Variants in PPM1L observed in about 807,000 individuals in gnomAD.
PPM1L encodes protein phosphatase 1L.
In PPM1L, 13 loss-of-function variants were observed where a neutral mutation model predicts 31.4. The observed-to-expected ratio is 0.41, with a 90% CI of 0.27 to 0.66. The LOEUF is 0.66. Ranked by LOEUF, PPM1L falls within the 30% of genes least tolerant of loss-of-function variation. The pLI is 0.29. For missense variants in PPM1L, 326 were observed against 453.7 expected (o/e 0.72, Z 2.56); for synonymous variants, 184 against 175.4 (o/e 1.05, Z -0.39).
At chr3:160,840,973 A>G (rs1286649901) in intron 1 of PPM1L, among the ~76,000 whole-genome samples, 3 of 152,206 alleles carry the variant, frequency 2.0e-5, no homozygotes, top group African/African-American at 7.2e-5. Context: ...TTTCACAGAC[A>G]TGTGCAGAAA....
chr3:160,833,131 G>GGT (rs1713571566), intron 1 of PPM1L, among the ~76,000 whole-genome samples: 1 of 152,140 alleles, frequency 6.6e-6, no homozygotes, highest in African/African-American at 2.4e-5. Flanking sequence ...AGTATTCCAT[G>GGT]GTGTGTATGT....
chr3:161,025,772 A>G (rs114043031), intron 2 of PPM1L, among the ~76,000 whole-genome samples: 3,545 of 152,286 alleles, frequency 0.023, 61 homozygotes, highest in Non-Finnish European at 0.038. Flanking sequence ...TTGTTATAGC[A>G]GCACAAATAA....
At chr3:160,929,476 A>G (rs1378015834) in intron 1 of PPM1L, among the ~76,000 whole-genome samples, 1 of 152,172 alleles carries the variant, frequency 6.6e-6, no homozygotes, top group East Asian at 1.9e-4. Context: ...CTGGAAAAGG[A>G]AGGAAAAGAG....
At position 160,993,591 on chromosome 3, in the gene PPM1L, T is replaced by C. The variant is rs567977206; in HGVS notation, c.574+31681T>C. Among the ~76,000 whole-genome samples, 3 of 152,250 alleles carry C rather than the reference T, an allele frequency of 2.0e-5. No homozygotes were observed. In the East Asian group the frequency reaches 5.8e-4, roughly 29 times the overall value. ...TTGCATTGGGTGAATTGGGGAGCTT[T>C]ATAGAACTAGTTCATGGGCCTCAGC... On this transcript the variant is annotated intron_variant, in intron 2 of 3. Coordinates refer to ENST00000498165, the MANE Select transcript of PPM1L (RefSeq NM_139245.4).
At chr3:160,854,514 G>A (rs1410366573) in intron 1 of PPM1L, among the ~76,000 whole-genome samples, 1 of 152,054 alleles carries the variant, frequency 6.6e-6, no homozygotes, top group Admixed American at 6.6e-5. Context: ...TTTTCTCAAT[G>A]TGCAAAAATC....
intron 2 of PPM1L, among the ~76,000 whole-genome samples, chr3:161,060,100 A>G (rs1251227886): frequency 6.6e-6 from 1 of 152,184 alleles, no homozygotes; most frequent in East Asian, 1.9e-4. Context: ...AAATAAATAA[A>G]TAGTCTAAAT....
At chr3:161,044,918 T>TCC (rs1430804105) in intron 2 of PPM1L, among the ~76,000 whole-genome samples, 24 of 152,022 alleles carry the variant, frequency 1.6e-4, no homozygotes, top group African/African-American at 5.6e-4. Context: ...AATAAAGGGA[T>TCC]GGAGGAAGAT....
chr3:160,859,513 A>G (rs1300455034), intron 1 of PPM1L, among the ~76,000 whole-genome samples: 1 of 152,206 alleles, frequency 6.6e-6, no homozygotes, highest in African/African-American at 2.4e-5. Flanking sequence ...GGAGTTGTCA[A>G]GAGTAATTGT....
At chr3:160,784,832 G>A (rs1560106315) in intron 1 of PPM1L, among the ~76,000 whole-genome samples, 22 of 152,264 alleles carry the variant, frequency 1.4e-4, no homozygotes, top group Non-Finnish European at 2.8e-4. Flanking sequence ...ATTTGTCCCA[G>A]ATAAACCTTA....
chr3:160,986,112 C>T (rs533839446), intron 2 of PPM1L, among the ~76,000 whole-genome samples: 1 of 152,282 alleles, frequency 6.6e-6, no homozygotes, highest in South Asian at 2.1e-4. Context: ...TGTCTTCTTT[C>T]ACATCTCAAC....
At chr3:160,949,788 G>A (rs898310938) in intron 1 of PPM1L, among the ~76,000 whole-genome samples, 3 of 152,164 alleles carry the variant, frequency 2.0e-5, no homozygotes, top group African/African-American at 4.8e-5. Context: ...GAGCTGTAAC[G>A]GAGATCTGAA....
intron 1 of PPM1L, among the ~76,000 whole-genome samples, chr3:160,910,192 C>T (rs1475368004): frequency 7.1e-6 from 1 of 140,968 alleles, no homozygotes; most frequent in South Asian, 2.4e-4. Context: ...TCCCCTTCCC[C>T]TTCCCCTTCC....
At chr3:160,935,173 T>C (rs1354946008) in intron 1 of PPM1L, among the ~76,000 whole-genome samples, 3 of 152,134 alleles carry the variant, frequency 2.0e-5, no homozygotes, top group Admixed American at 6.5e-5. Context: ...CCAGAGAGCT[T>C]GTAGAACCAA....
chr3:161,078,095 T>G lies in PPM1L; in HGVS notation c.*8938T>G, dbSNP rs1720166530. ...AGGGTTTTTGTTTTGTTTTTAATCA[T>G]GAGCACATATAAAAGGAAATTCAAA... On this transcript the variant is annotated 3_prime_UTR_variant, in exon 4 of 4. Transcript: ENST00000498165. 6.6e-6 allele frequency: 1 copy of G among 152,198 alleles called. No homozygotes were observed. The highest frequency in any genetic ancestry group is 2.4e-5 in the African/African-American group (1 of 41,454). 9.4% of individuals were successfully genotyped at this position (152,198 alleles called of 1,614,324 possible). A position where few individuals can be genotyped will look rare whatever the true frequency, so the allele number is the denominator to read the frequency against.
At chr3:161,025,784 C>T (rs1346116412) in intron 2 of PPM1L, among the ~76,000 whole-genome samples, 1 of 151,924 alleles carries the variant, frequency 6.6e-6, no homozygotes. Context: ...CACAAATAAA[C>T]TAAGACGATA....
chr3:160,778,955 C>G (rs930484128), intron 1 of PPM1L, among the ~76,000 whole-genome samples: 1 of 152,142 alleles, frequency 6.6e-6, no homozygotes, highest in African/African-American at 2.4e-5. Context: ...CCTTTTTGTG[C>G]ATAATCCACA....
chr3:160,766,431 C>T (rs1560101740), intron 1 of PPM1L, among the ~76,000 whole-genome samples: 1 of 151,938 alleles, frequency 6.6e-6, no homozygotes, highest in African/African-American at 2.4e-5. Context: ...ATCATTAGAC[C>T]TTCTTGCTGT....
chr3:160,887,573 C>CTTTTTTTTTTTTTT (rs58869949), intron 1 of PPM1L, among the ~76,000 whole-genome samples: 1 of 142,624 alleles, frequency 7.0e-6, no homozygotes, highest in Admixed American at 7.1e-5. Context: ...TAATATTCAA[C>CTTTTTTTTTTTTTT]TTTTTTTTTT....
chr3:160,868,580 G>A (rs1712176399), intron 1 of PPM1L, among the ~76,000 whole-genome samples: 1 of 152,150 alleles, frequency 6.6e-6, no homozygotes, highest in Admixed American at 6.5e-5. Context: ...TAAAAGTTTG[G>A]GGGCTATTGT....
Sources: allele counts gnomAD v4.1 joint callset (sites outside exome capture counted in the v4.1 genomes callset), GRCh38; gene constraint gnomAD v4.1.1; transcripts MANE v1.5; gene names NCBI Gene and HGNC (gene_info 2026-07-23, HGNC 2026-07-21).